Variants in ANGPT2 observed in about 807,000 individuals in gnomAD.
ANGPT2 encodes angiopoietin-2.
A neutral mutation model predicts 62.9 loss-of-function variants in ANGPT2; 28 were observed. The observed-to-expected ratio is 0.44, with a 90% CI of 0.33 to 0.61. The LOEUF is 0.61. Among genes scored for constraint, ANGPT2 ranks in the 20% least tolerant of loss-of-function variants. The pLI is 0.03. For synonymous variants in ANGPT2, 284 were observed against 207.8 expected, an observed-to-expected ratio of 1.37 and a Z score of -3.15; for missense variants, 727 against 594.9, an observed-to-expected ratio of 1.22 and a Z score of -2.31.
intron 4 of ANGPT2, among the ~76,000 whole-genome samples, chr8:6,520,836 C>T (rs1346486932): frequency 6.6e-6 from 1 of 152,160 alleles, no homozygotes; most frequent in Non-Finnish European, 1.5e-5. Flanking sequence ...ATGGCCATCC[C>T]ATGGGTCTGA....
chr8:6,507,179 G>A (rs1028758336), intron 8 of ANGPT2, among the ~76,000 whole-genome samples: 2 of 152,102 alleles, frequency 1.3e-5, no homozygotes, highest in African/African-American at 2.4e-5. Context: ...ATTACAAGCG[G>A]GGGCCACCAT....
At chr8:6,517,226 A>G (rs765019416) in intron 5 of ANGPT2, among the ~76,000 whole-genome samples, 2 of 152,192 alleles carry the variant, frequency 1.3e-5, no homozygotes, top group East Asian at 3.8e-4. Context: ...AGGGCAGTTA[A>G]TATCTTTAAT....
chr8:6,503,549 C>T (rs1424693639), intron 8 of ANGPT2, among the ~76,000 whole-genome samples: 3 of 152,190 alleles, frequency 2.0e-5, no homozygotes, highest in African/African-American at 4.8e-5. Flanking sequence ...GGTAAGCCCA[C>T]AGTGTGTACA....
At chr8:6,508,890 T>C in intron 8 of ANGPT2, 42 bp downstream of exon 8, 11 of 1,613,664 alleles carry the variant, frequency 6.8e-6, no homozygotes, top group Non-Finnish European at 9.3e-6. Flanking sequence ...TATGAAATCA[T>C]TCCTTGCCAA....
chr8:6,538,533 C>G (rs368943542), intron 1 of ANGPT2, among the ~76,000 whole-genome samples: 1 of 152,172 alleles, frequency 6.6e-6, no homozygotes, highest in Non-Finnish European at 1.5e-5. Flanking sequence ...TTGTGGGCCT[C>G]AGACCTGGGC....
At chr8:6,539,056 C>G (rs546547868) in intron 1 of ANGPT2, among the ~76,000 whole-genome samples, 81 of 152,006 alleles carry the variant, frequency 5.3e-4, no homozygotes, top group African/African-American at 1.9e-3. Context: ...TGTGTTTATT[C>G]TGGAGATTTT....
At chr8:6,523,279 G>C (rs1239168753) in intron 3 of ANGPT2, among the ~76,000 whole-genome samples, 2 of 152,180 alleles carry the variant, frequency 1.3e-5, no homozygotes, top group African/African-American at 2.4e-5. Context: ...TTACAGGCAT[G>C]AGCCACCACG....
chr8:6,528,862 G>T (rs747668363), intron 2 of ANGPT2, among the ~76,000 whole-genome samples: 24 of 152,226 alleles, frequency 1.6e-4, no homozygotes, highest in Non-Finnish European at 2.6e-4. Context: ...CTTATCCTTA[G>T]AGCTGGTTTA....
At chr8:6,545,881 A>C (rs1234494348) in intron 1 of ANGPT2, among the ~76,000 whole-genome samples, 1 of 152,246 alleles carries the variant, frequency 6.6e-6, no homozygotes, top group Non-Finnish European at 1.5e-5. Context: ...GAGCTACTGC[A>C]ATGCAAGTGT....
At chr8:6,506,195 A>G (rs563979396) in intron 8 of ANGPT2, among the ~76,000 whole-genome samples, 2 of 152,100 alleles carry the variant, frequency 1.3e-5, no homozygotes, top group South Asian at 4.2e-4. Context: ...TCCTTCACAT[A>G]TTCAGGACTT....
At chr8:6,512,984 T>G (rs1357104372) in intron 7 of ANGPT2, among the ~76,000 whole-genome samples, 2 of 152,238 alleles carry the variant, frequency 1.3e-5, no homozygotes, top group African/African-American at 4.8e-5. Context: ...CAGACTAACT[T>G]TTGAAACCTT....
In ANGPT2 at chr8:6,543,390, C is replaced by G. The variant is rs114663778; in HGVS notation, c.289-10903G>C. ...GTCTCCTGCCTGGACACCCTTCTCT[C>G]TGTGCTTTCCTGGGTTAGAGTAAAT... On this transcript the variant is annotated intron_variant, in intron 1 of 8. Coordinates refer to ENST00000629816, the MANE Select transcript of ANGPT2 (RefSeq NM_001118887.2). Among the ~76,000 whole-genome samples, 857 of 152,276 alleles carry G rather than the reference C, an allele frequency of 5.6e-3. 9 individuals are homozygous for G. The highest frequency in any genetic ancestry group is 0.02 in the African/African-American group (834 of 41,558).
At chr8:6,510,602 A>C (rs1394244790) in intron 7 of ANGPT2, among the ~76,000 whole-genome samples, 1 of 152,178 alleles carries the variant, frequency 6.6e-6, no homozygotes, top group African/African-American at 2.4e-5. Context: ...TTGTTTTGGC[A>C]CTGAAAGTCA....
chr8:6,546,493 T>C (rs558512144), intron 1 of ANGPT2, among the ~76,000 whole-genome samples: 4 of 152,224 alleles, frequency 2.6e-5, no homozygotes, highest in African/African-American at 9.6e-5. Flanking sequence ...GCAAATATAT[T>C]CCATTCATAC....
intron 1 of ANGPT2, among the ~76,000 whole-genome samples, chr8:6,554,563 G>A (rs1471142482): frequency 1.3e-5 from 2 of 152,086 alleles, no homozygotes; most frequent in East Asian, 1.9e-4. Flanking sequence ...AATTTTTAAT[G>A]TATATTTTTA....
chr8:6,543,510 C>G (rs931839192), intron 1 of ANGPT2, among the ~76,000 whole-genome samples: 1 of 152,144 alleles, frequency 6.6e-6, no homozygotes, highest in African/African-American at 2.4e-5. Flanking sequence ...TGGGGAGCAT[C>G]CAGCTCCCAT....
In ANGPT2 at chr8:6,552,705, C is replaced by T. The variant is rs371686753; in HGVS notation, c.288+9942G>A. On this transcript the variant is annotated intron_variant, in intron 1 of 8. Coordinates refer to ENST00000629816, the MANE Select transcript of ANGPT2 (RefSeq NM_001118887.2). ...GAAACACATAATAACCCTACAAGTT[C>T]ACTGATGTAGGTAAGAAAACTGGTA... Among the ~76,000 whole-genome samples, 7 of 152,250 alleles carry T rather than the reference C, an allele frequency of 4.6e-5. No homozygotes were observed. In the South Asian group the frequency reaches 1.5e-3, roughly 32 times the overall value.
At chr8:6,513,468 G>A (rs1301132735) in intron 7 of ANGPT2, among the ~76,000 whole-genome samples, 1 of 151,780 alleles carries the variant, frequency 6.6e-6, no homozygotes, top group East Asian at 1.9e-4. Flanking sequence ...GAGTAGCTGG[G>A]ACTACAGGCG....
chr8:6,530,699 G>C (rs1226819110), intron 2 of ANGPT2, among the ~76,000 whole-genome samples: 1 of 152,044 alleles, frequency 6.6e-6, no homozygotes, highest in African/African-American at 2.4e-5. Context: ...TTCTTGAACT[G>C]TTGTGATATT....
Sources: allele counts gnomAD v4.1 joint callset (sites outside exome capture counted in the v4.1 genomes callset), GRCh38; gene constraint gnomAD v4.1.1; transcripts MANE v1.5; gene names NCBI Gene and HGNC (gene_info 2026-07-23, HGNC 2026-07-21).